ZNF800: variants seen among roughly 807,000 people sequenced by gnomAD.
ZNF800 encodes the protein zinc finger protein 800.
ZNF800 carries 13 observed loss-of-function variants against 59.5 expected under a neutral mutation model. The ratio of observed to expected loss-of-function variants is 0.22; its 90% CI spans 0.14 to 0.35. The LOEUF (loss-of-function observed/expected upper bound fraction) is 0.35. ZNF800 is among the 10% of genes least tolerant of loss of function. ZNF800 has a pLI of 1.00. For missense variants in ZNF800, 621 were observed against 783.7 expected (o/e 0.79, Z 2.48); for synonymous variants, 266 against 265.7 (o/e 1.00, Z -0.01).
chr7:127,352,509 G>A (rs1178591916), intron 1 of ZNF800, among the ~76,000 whole-genome samples: 1 of 152,250 alleles, frequency 6.6e-6, no homozygotes, highest in Non-Finnish European at 1.5e-5. Flanking sequence ...CTATGGGGAA[G>A]ATGAGTGTGT....
At chr7:127,345,425 A>G (rs1488442457), downstream of ZNF800, among the ~76,000 whole-genome samples, 1 of 152,208 alleles carries the variant, frequency 6.6e-6, no homozygotes, top group Non-Finnish European at 1.5e-5. Context: ...CTTTCAATAG[A>G]GTGCTCTGTG....
At chr7:127,386,847 T>C (rs957861450) in intron 2 of ZNF800, among the ~76,000 whole-genome samples, 1 of 152,162 alleles carries the variant, frequency 6.6e-6, no homozygotes, top group Admixed American at 6.5e-5. Flanking sequence ...ATGGCAATAA[T>C]TGTTAAGCAA....
At chr7:127,352,506 G>A (rs1800186622) in intron 1 of ZNF800, among the ~76,000 whole-genome samples, 1 of 152,220 alleles carries the variant, frequency 6.6e-6, no homozygotes, top group African/African-American at 2.4e-5. Flanking sequence ...TTCCTATGGG[G>A]AAGATGAGTG....
chr7:127,343,149 T>C (rs1291497556), downstream of ZNF800, among the ~76,000 whole-genome samples: 1 of 151,394 alleles, frequency 6.6e-6, no homozygotes, highest in Admixed American at 6.6e-5. Context: ...TGAAAATAAA[T>C]GAACTAAGCC....
chr7:127,367,259 C>A (rs932006367), downstream of ZNF800, among the ~76,000 whole-genome samples: 1 of 152,044 alleles, frequency 6.6e-6, no homozygotes, highest in African/African-American at 2.4e-5. Context: ...CAAATAAAGT[C>A]TTCTAATAAA....
chr7:127,382,106 T>C (rs953559148), intron 3 of ZNF800, among the ~76,000 whole-genome samples: 5 of 152,186 alleles, frequency 3.3e-5, no homozygotes, highest in African/African-American at 1.2e-4. Flanking sequence ...ATTCTACATG[T>C]AGAATCTTTT....
downstream of ZNF800, among the ~76,000 whole-genome samples, chr7:127,369,781 G>T (rs1351214897): frequency 2.0e-5 from 3 of 151,912 alleles, no homozygotes; most frequent in Non-Finnish European, 4.4e-5. Flanking sequence ...ACTGTGAATG[G>T]TCCTGTAGAA....
At chr7:127,365,278 C>A (rs991941102), downstream of ZNF800, among the ~76,000 whole-genome samples, 2 of 151,896 alleles carry the variant, frequency 1.3e-5, no homozygotes, top group Non-Finnish European at 2.9e-5. Flanking sequence ...CCATAAGTAA[C>A]CAGAAATGAA....
downstream of ZNF800, among the ~76,000 whole-genome samples, chr7:127,367,245 TC>T (rs1242255800): frequency 1.3e-5 from 2 of 151,976 alleles, no homozygotes; most frequent in Non-Finnish European, 2.9e-5. Context: ...CTCCCATATT[TC>T]CCCAAATAAA....
chr7:127,358,468 C>T (rs949440195), intron 1 of ZNF800, among the ~76,000 whole-genome samples: 2 of 152,030 alleles, frequency 1.3e-5, no homozygotes, highest in Non-Finnish European at 2.9e-5. Flanking sequence ...AATTCAGTCC[C>T]CTTGGTGCTA....
At chr7:127,354,303 T>C (rs961042375) in intron 1 of ZNF800, among the ~76,000 whole-genome samples, 1 of 152,124 alleles carries the variant, frequency 6.6e-6, no homozygotes, top group Non-Finnish European at 1.5e-5. Context: ...AAATACTACA[T>C]CATGTTGCAC....
chr7:127,363,122 A>G (rs1374534758), intron 1 of ZNF800: 3 of 152,150 alleles, frequency 2.0e-5, no homozygotes, highest in Admixed American at 6.5e-5. Flanking sequence ...TGGAGCACAT[A>G]GGAAGAAATT....
chr7:127,366,856 C>G (rs1042784448), downstream of ZNF800, among the ~76,000 whole-genome samples: 2 of 152,054 alleles, frequency 1.3e-5, no homozygotes, highest in African/African-American at 4.8e-5. Flanking sequence ...ATGAAGGGGA[C>G]TGACATGAGA....
downstream of ZNF800, among the ~76,000 whole-genome samples, chr7:127,344,673 A>T (rs2116996824): frequency 6.6e-6 from 1 of 152,266 alleles, no homozygotes; most frequent in East Asian, 1.9e-4. Flanking sequence ...AGAGGATATA[A>T]AAAAATTAAA....
At chr7:127,372,812 C>T (rs1289926751) in intron 5 of ZNF800, 12 of 985,102 alleles carry the variant, frequency 1.2e-5, no homozygotes, top group Admixed American at 6.2e-5. Context: ...TAATTCAATT[C>T]GGGGATTTTT....
chr7:127,379,172 T>G lies in ZNF800; in HGVS notation c.158-1843A>C, dbSNP rs28952017. The stretch of plus-strand genomic sequence containing the variant: ...AAGTAAATTCTCATATATATATTTT[T>G]GAAGTCCATTTCACATTACAAAATA... On this transcript the variant is annotated intron_variant, in intron 3 of 5. Transcript: ENST00000265827. Among the ~76,000 whole-genome samples the G allele has an allele frequency of 8.5e-5, 13 of 152,296 alleles. No homozygotes were observed. In the East Asian group the frequency reaches 2.5e-3, roughly 29 times the overall value.
At chr7:127,356,893 C>T (rs972908854) in intron 1 of ZNF800, among the ~76,000 whole-genome samples, 1 of 152,066 alleles carries the variant, frequency 6.6e-6, no homozygotes, top group African/African-American at 2.4e-5. Flanking sequence ...GGAGTTATAA[C>T]TCAGCCATAA....
Position 127,378,679 on chromosome 7 carries a change from G to C in ZNF800, c.158-1350C>G, listed in dbSNP as rs17869576. On this transcript the variant is annotated intron_variant, in intron 3 of 5. Transcript: ENST00000265827. ...TCTTTGAAGTGTATTTTATCATTTT[G>C]AAAACGATGATAAAATCATTTCCCC... Among the ~76,000 whole-genome samples, 3 of 150,934 alleles carry C rather than the reference G, an allele frequency of 2.0e-5. No individual in the cohort carries two copies. In the East Asian group the frequency reaches 5.9e-4, roughly 30 times the overall value.
chr7:127,389,098 G>A (rs1279119294), intron 2 of ZNF800, among the ~76,000 whole-genome samples: 2 of 152,004 alleles, frequency 1.3e-5, no homozygotes, highest in African/African-American at 4.8e-5. Flanking sequence ...CTTAAAACAA[G>A]GCCCTTAAAA....
Sources: allele counts gnomAD v4.1 joint callset (sites outside exome capture counted in the v4.1 genomes callset), GRCh38; gene constraint gnomAD v4.1.1; transcripts MANE v1.5; gene names NCBI Gene and HGNC (gene_info 2026-07-23, HGNC 2026-07-21).